The following TAF15 variants were observed in gnomAD, a reference collection of about 807,000 sequenced individuals.
TAF15 encodes TATA-box binding protein associated factor 15.
TAF15 carries 37 observed loss-of-function variants against 102.5 expected under a neutral mutation model. That is an observed-to-expected ratio of 0.36 (90% CI 0.28 to 0.47). The LOEUF (loss-of-function observed/expected upper bound fraction) is 0.47. TAF15 is among the 20% of genes least tolerant of loss of function. The pLI, the probability that TAF15 is intolerant of heterozygous loss-of-function variation, is 0.99. For missense variants in TAF15, 652 were observed against 760.7 expected (o/e 0.86, Z 1.68); for synonymous variants, 273 against 259.2 (o/e 1.05, Z -0.51).
chr17:35,835,790 C>G (rs2087467407), intron 9 of TAF15, among the ~76,000 whole-genome samples: 1 of 152,210 alleles, frequency 6.6e-6, no homozygotes, highest in Non-Finnish European at 1.5e-5. Flanking sequence ...TTAGAGTTCT[C>G]CAGAGAAAGA....
intron 7 of TAF15, among the ~76,000 whole-genome samples, chr17:35,826,435 A>G (rs751784033): frequency 2.0e-5 from 3 of 152,146 alleles, no homozygotes; most frequent in East Asian, 1.9e-4. Flanking sequence ...TATGGTTTCT[A>G]TTGTAACTAT....
At chr17:35,824,894 A>T (rs114176092) in intron 7 of TAF15, among the ~76,000 whole-genome samples, 139 of 151,744 alleles carry the variant, frequency 9.2e-4, no homozygotes, top group African/African-American at 3.3e-3. Context: ...GGTTTTAGAT[A>T]TATCTGCAAG....
intron 1 of TAF15, among the ~76,000 whole-genome samples, chr17:35,812,541 C>T (rs953531273): frequency 5.6e-5 from 8 of 142,950 alleles, no homozygotes; most frequent in East Asian, 4.3e-4. Flanking sequence ...GCCGAGATTG[C>T]GCCATTGCAC....
At chr17:35,823,868 C>T (rs746378960) in intron 6 of TAF15, among the ~76,000 whole-genome samples, 1 of 152,038 alleles carries the variant, frequency 6.6e-6, no homozygotes, top group South Asian at 2.1e-4. Context: ...ACTGTTTTGC[C>T]ATGTCAGTTT....
At chr17:35,830,209 G>A (rs766327394) in intron 7 of TAF15, 1 of 151,690 alleles carries the variant, frequency 6.6e-6, no homozygotes, top group Non-Finnish European at 1.5e-5. Context: ...CAGCTACTTA[G>A]GAGGCTGAGG....
At chr17:35,814,448 G>A (rs958038726) in intron 1 of TAF15, among the ~76,000 whole-genome samples, 14 of 151,854 alleles carry the variant, frequency 9.2e-5, no homozygotes, top group Non-Finnish European at 1.5e-4. Context: ...GATTACAGGC[G>A]TGAGCAACTG....
At position 35,844,001 on chromosome 17, in the gene TAF15, T is replaced by G. The variant is rs4251779; in HGVS notation, c.1007-76T>G. On this transcript the variant is annotated intron_variant, in intron 12 of 15. Coordinates refer to ENST00000605844, the MANE Select transcript of TAF15 (RefSeq NM_139215.3). ...CCTAAGTATTGATGGGTATCTACTC[T>G]TATGTTATCTGATGCTTTTCTTCTG... 809 of 1,294,392 alleles carry G rather than the reference T, an allele frequency of 6.3e-4. 1 individual carries two copies. The highest frequency in any genetic ancestry group is 8.5e-4 in the Non-Finnish European group (755 of 889,698). 80.2% of individuals were successfully genotyped at this position (1,294,392 alleles called of 1,614,324 possible). A position where few individuals can be genotyped will look rare whatever the true frequency, so the allele number is the denominator to read the frequency against.
At chr17:35,845,612 A>G (rs2087614769) in intron 15 of TAF15, among the ~76,000 whole-genome samples, 1 of 151,940 alleles carries the variant, frequency 6.6e-6, no homozygotes, top group South Asian at 2.1e-4. Flanking sequence ...TCCTGGGTTC[A>G]CGCCATTCTG....
chr17:35,812,296 T>C (rs1223854829), intron 1 of TAF15, among the ~76,000 whole-genome samples: 1 of 152,150 alleles, frequency 6.6e-6, no homozygotes, highest in Non-Finnish European at 1.5e-5. Flanking sequence ...TTGGTGTTTC[T>C]GTTAAAAACA....
In TAF15 at chr17:35,844,979, A is replaced by G. The variant is rs764692726; in HGVS notation, c.1680A>G (p.Gly560=). ...GGDRSGGGYG[G]DRGGGYGGDR... ...ACAGGAGTGGTGGCGGCTATGGAGGAGACCGAGGTGGGGGCTACGGAGGAG... is the reference window on the plus strand; with the variant it reads ...ACAGGAGTGGTGGCGGCTATGGAGGGGACCGAGGTGGGGGCTACGGAGGAG... The change falls in exon 15 of 16, where the codon GGA becomes GGG. Residue 560 remains glycine (G), a synonymous_variant. Transcript: ENST00000605844. 1 of 1,611,560 alleles carries G rather than the reference A, an allele frequency of 6.2e-7. No homozygotes were observed. The highest frequency in any genetic ancestry group is 1.1e-5 in the South Asian group (1 of 90,978).
chr17:35,811,469 G>T (rs1365013607), intron 1 of TAF15: 1 of 152,052 alleles, frequency 6.6e-6, no homozygotes, highest in African/African-American at 2.4e-5. Context: ...CTTAGGCTTG[G>T]TATACTATTT....
intron 7 of TAF15, among the ~76,000 whole-genome samples, chr17:35,828,643 A>T (rs531579779): frequency 6.6e-6 from 1 of 152,108 alleles, no homozygotes; most frequent in South Asian, 2.1e-4. Flanking sequence ...AGGTAGGAGG[A>T]TTGCTTGAGC....
rs1428921324 is a variant in TAF15, at chr17:35,837,700, GC to G, written c.784-722del. ...AAATTAGATGGGCGTGGTGGCATGC[GC>G]CTGTAGTCCCAGCTACTTGGGCGGC... is the stretch of plus-strand genomic sequence containing the variant. On this transcript the variant is annotated intron_variant, in intron 10 of 15. Transcript: ENST00000605844. 3.3e-5 allele frequency among the ~76,000 whole-genome samples: 5 copies of G among 152,060 alleles called. No individual in the cohort carries two copies. The East Asian group carries it at 9.8e-4, about 30-fold the overall frequency.
chr17:35,822,760 G>A lies in TAF15; in HGVS notation c.411G>A (p.Gln137=), dbSNP rs986899051. Residue 137 remains glutamine, a synonymous_variant, in exon 6 of 16, where the codon CAG becomes CAA. Transcript: ENST00000605844. ...GSYDEQSNYD[Q]QHDSYSQNQQ... Reference sequence around the variant, plus strand: ...ATGATGAGCAGTCAAATTATGATCAGCAGCATGATTCCTATAGTCAAAACC... The same window carrying A: ...ATGATGAGCAGTCAAATTATGATCAACAGCATGATTCCTATAGTCAAAACC... The A allele has an allele frequency of 1.2e-6, 2 of 1,614,180 alleles. No individual in the cohort carries two copies. Among genetic ancestry groups the A allele is most frequent in the Non-Finnish European group, 1.7e-6 (2 of 1,180,020 alleles).
intron 7 of TAF15, among the ~76,000 whole-genome samples, chr17:35,826,360 CTT>C (rs990687957): frequency 6.0e-4 from 91 of 152,142 alleles, no homozygotes; most frequent in African/African-American, 2.0e-3. Flanking sequence ...GCCGATTACT[CTT>C]TATATTGAGT....
At position 35,840,018 on chromosome 17, in the gene TAF15, A is replaced by G. The variant is rs1472752837; in HGVS notation, c.913+1465A>G. ...TTAATCTTCATAATAATCTTATGAG[A>G]CATATGCCCTGTTACTCCCGTTTTA... is the stretch of plus-strand genomic sequence containing the variant. On this transcript the variant is annotated intron_variant, in intron 11 of 15. Coordinates refer to ENST00000605844, the MANE Select transcript of TAF15 (RefSeq NM_139215.3). Among the ~76,000 whole-genome samples the G allele has an allele frequency of 2.0e-5, 3 of 152,080 alleles. No homozygotes were observed. The East Asian group carries it at 5.8e-4, about 29-fold the overall frequency.
At chr17:35,843,102 C>A (rs1381418503) in intron 12 of TAF15, among the ~76,000 whole-genome samples, 1 of 151,850 alleles carries the variant, frequency 6.6e-6, no homozygotes, top group Non-Finnish European at 1.5e-5. Flanking sequence ...ACAGTTACTG[C>A]CAGCTTTTTT....
intron 7 of TAF15, among the ~76,000 whole-genome samples, chr17:35,826,718 C>T (rs552181621): frequency 1.1e-4 from 17 of 148,612 alleles, no homozygotes; most frequent in East Asian, 4.1e-4. Context: ...CCAGCACACC[C>T]GGCTAATTTT....
intron 1 of TAF15, among the ~76,000 whole-genome samples, chr17:35,813,069 G>A (rs2087145261): frequency 7.5e-6 from 1 of 134,168 alleles, no homozygotes; most frequent in Non-Finnish European, 1.5e-5. Flanking sequence ...AGAGGTTGCA[G>A]TTTGAGACAC....
Sources: gnomAD v4.1 joint callset for allele counts (sites outside exome capture counted in the v4.1 genomes callset) on GRCh38, gnomAD v4.1.1 for gene constraint, MANE v1.5 for transcripts, NCBI Gene and HGNC (gene_info 2026-07-23, HGNC 2026-07-21) for gene names.